Variants in DCLK2 observed in about 807,000 individuals in gnomAD.
The protein encoded by DCLK2 is doublecortin like kinase 2.
Under a neutral mutation model 78.4 loss-of-function variants are expected in DCLK2, and 31 were observed. The ratio of observed to expected loss-of-function variants is 0.40; its 90% CI spans 0.30 to 0.53. The LOEUF is 0.53. Among genes scored for constraint, DCLK2 ranks in the 20% least tolerant of loss-of-function variants. DCLK2 has a pLI of 0.61. For missense variants in DCLK2, 872 were observed against 973.7 expected, an observed-to-expected ratio of 0.90 and a Z score of 1.39; for synonymous variants, 407 against 374.9, an observed-to-expected ratio of 1.09 and a Z score of -0.99.
chr4:150,164,093 ACATTTCCTTATGGTT>A (rs1735896810), intron 2 of DCLK2, among the ~76,000 whole-genome samples: 1 of 152,334 alleles, frequency 6.6e-6, no homozygotes, highest in East Asian at 1.9e-4. Flanking sequence ...TTTATTTCTG[ACATTTCCTTATGGTT>A]TTTAGGCCAG....
chr4:150,209,122 A>G (rs183858297), intron 5 of DCLK2, among the ~76,000 whole-genome samples: 257 of 152,370 alleles, frequency 1.7e-3, no homozygotes, highest in African/African-American at 6.0e-3. Flanking sequence ...GATCAGACCA[A>G]AAATTTGTAA....
intron 15 of DCLK2, among the ~76,000 whole-genome samples, chr4:150,252,184 T>C (rs968340235): frequency 1.3e-5 from 2 of 152,200 alleles, no homozygotes; most frequent in Non-Finnish European, 2.9e-5. Flanking sequence ...TTCCAGCGAT[T>C]CCCTTGCGAG....
chr4:150,110,405 ACAGCTTAATTAGG>A (rs1731591340), intron 2 of DCLK2, among the ~76,000 whole-genome samples: 1 of 152,196 alleles, frequency 6.6e-6, no homozygotes, highest in East Asian at 1.9e-4. Flanking sequence ...GTAATAGCTA[ACAGCTTAATTAGG>A]TAATAGATAA....
chr4:150,096,505 A>C (rs1026486634), intron 1 of DCLK2, among the ~76,000 whole-genome samples: 3 of 152,100 alleles, frequency 2.0e-5, no homozygotes, highest in African/African-American at 7.2e-5. Flanking sequence ...GCCCAGAGAA[A>C]GTCTAAGGAG....
chr4:150,240,558 C>A, intron 12 of DCLK2, 82 bp downstream of exon 12: 4 of 1,021,166 alleles, frequency 3.9e-6, no homozygotes, highest in South Asian at 3.6e-5. Context: ...TCCTGGAAGT[C>A]GGGACTGTTT....
intron 2 of DCLK2, among the ~76,000 whole-genome samples, chr4:150,125,588 A>G (rs913731545): frequency 3.3e-5 from 5 of 152,160 alleles, no homozygotes; most frequent in African/African-American, 1.2e-4. Flanking sequence ...ATGACTATCT[A>G]AAAATAGTTA....
chr4:150,239,181 C>G (rs955719226), intron 10 of DCLK2, among the ~76,000 whole-genome samples: 2 of 152,128 alleles, frequency 1.3e-5, no homozygotes, highest in African/African-American at 4.8e-5. Flanking sequence ...CATCGTACTC[C>G]TAGGGAAGGA....
chr4:150,190,478 G>GA (rs1197944811), intron 2 of DCLK2, among the ~76,000 whole-genome samples: 1 of 152,050 alleles, frequency 6.6e-6, no homozygotes, highest in Non-Finnish European at 1.5e-5. Context: ...TAGAAGGAAT[G>GA]AACTGCTGAT....
chr4:150,173,531 A>G (rs577676623), intron 2 of DCLK2, among the ~76,000 whole-genome samples: 1 of 152,196 alleles, frequency 6.6e-6, no homozygotes, highest in African/African-American at 2.4e-5. Context: ...GGTGAAGGAA[A>G]GAAATGTGCC....
chr4:150,211,685 G>C (rs1219176627), intron 5 of DCLK2, among the ~76,000 whole-genome samples: 1 of 151,808 alleles, frequency 6.6e-6, no homozygotes, highest in Non-Finnish European at 1.5e-5. Flanking sequence ...CCTTTTGTTC[G>C]TCAGACTGCT....
chr4:150,165,574 C>T (rs565792834), intron 2 of DCLK2, among the ~76,000 whole-genome samples: 20 of 152,280 alleles, frequency 1.3e-4, no homozygotes, highest in African/African-American at 1.7e-4. Context: ...TAGTGAATAT[C>T]GCTGGAGGAG....
chr4:150,079,871 G>A (rs1268887825), intron 1 of DCLK2, among the ~76,000 whole-genome samples: 1 of 152,172 alleles, frequency 6.6e-6, no homozygotes, highest in Non-Finnish European at 1.5e-5. Flanking sequence ...GGGTCCTGTT[G>A]TGACTGCTGT....
chr4:150,247,533 C>T, intron 12 of DCLK2, 70 bp from the exon 13 acceptor site: 1 of 1,385,522 alleles, frequency 7.2e-7, no homozygotes, highest in South Asian at 1.2e-5. Context: ...CCCGCTCTTC[C>T]TGTGGACATT....
At chr4:150,178,895 G>A (rs984035837) in intron 2 of DCLK2, among the ~76,000 whole-genome samples, 1 of 152,142 alleles carries the variant, frequency 6.6e-6, no homozygotes, top group African/African-American at 2.4e-5. Flanking sequence ...CAACAAATCA[G>A]AAGTTGGTGT....
intron 4 of DCLK2, among the ~76,000 whole-genome samples, chr4:150,201,145 C>CT (rs1256171474): frequency 6.6e-6 from 1 of 152,146 alleles, no homozygotes; most frequent in Non-Finnish European, 1.5e-5. Context: ...GCTTGTGAAT[C>CT]TTTCTTAGTC....
At chr4:150,149,780 C>T (rs561483630) in intron 2 of DCLK2, among the ~76,000 whole-genome samples, 2 of 152,154 alleles carry the variant, frequency 1.3e-5, no homozygotes, top group Non-Finnish European at 2.9e-5. Context: ...ATAAAATCTG[C>T]ACTGATTCTG....
intron 2 of DCLK2, among the ~76,000 whole-genome samples, chr4:150,190,226 GA>G (rs1317752356): frequency 4.3e-5 from 5 of 115,390 alleles, no homozygotes; most frequent in Admixed American, 1.8e-4. Flanking sequence ...TAGATGGATA[GA>G]TGGATAGTTA....
intron 12 of DCLK2, among the ~76,000 whole-genome samples, chr4:150,246,952 G>T (rs1249635169): frequency 1.3e-5 from 2 of 152,106 alleles, no homozygotes; most frequent in African/African-American, 4.8e-5. Flanking sequence ...ATGAAAGTCA[G>T]TTTCCAAGAG....
At chr4:150,156,929 T>C (rs1419247415) in intron 2 of DCLK2, among the ~76,000 whole-genome samples, 1 of 151,522 alleles carries the variant, frequency 6.6e-6, no homozygotes, top group East Asian at 1.9e-4. Context: ...CGCCACCTGC[T>C]TGGCTAATTT....
Sources: gnomAD v4.1 joint callset for allele counts (sites outside exome capture counted in the v4.1 genomes callset) on GRCh38, gnomAD v4.1.1 for gene constraint, MANE v1.5 for transcripts, NCBI Gene and HGNC (gene_info 2026-07-23, HGNC 2026-07-21) for gene names.